Variants in CCDC178 observed in about 807,000 individuals in gnomAD.
The protein encoded by CCDC178 is coiled-coil domain containing 178.
CCDC178 carries 126 observed loss-of-function variants against 117.4 expected under a neutral mutation model. The ratio of observed to expected loss-of-function variants is 1.07; its 90% confidence interval spans 0.93 to 1.24. The LOEUF is 1.24. Among genes scored for constraint, CCDC178 ranks in the 50% most tolerant of loss-of-function variants. The probability of loss-of-function intolerance (pLI) is 0.00; values close to 1 mark genes in which losing one functional copy is unlikely to be tolerated. For missense variants in CCDC178, 1,030 were observed against 986.9 expected, an observed-to-expected ratio of 1.04 and a Z score of -0.59; for synonymous variants, 283 against 313.4, an observed-to-expected ratio of 0.90 and a Z score of 1.02.
At chr18:33,434,018 GA>G (rs1178152329) in intron 2 of CCDC178, among the ~76,000 whole-genome samples, 1 of 151,982 alleles carries the variant, frequency 6.6e-6, no homozygotes, top group East Asian at 1.9e-4. Flanking sequence ...TATTTTTCTA[GA>G]AATTTGTTAA....
intron 20 of CCDC178, among the ~76,000 whole-genome samples, chr18:33,123,216 T>G (rs1047087056): frequency 6.6e-6 from 1 of 152,154 alleles, no homozygotes; most frequent in African/African-American, 2.4e-5. Flanking sequence ...TGGTTTTATA[T>G]ATAACCAACT....
intron 21 of CCDC178, among the ~76,000 whole-genome samples, chr18:33,035,767 A>T: frequency 6.6e-6 from 1 of 152,124 alleles, no homozygotes; most frequent in South Asian, 2.1e-4. Flanking sequence ...TTAATATATC[A>T]AATCATCACA....
chr18:33,275,266 G>C (rs1460572746), intron 12 of CCDC178, among the ~76,000 whole-genome samples: 1 of 151,724 alleles, frequency 6.6e-6, no homozygotes, highest in African/African-American at 2.4e-5. Flanking sequence ...AAATATATGT[G>C]CATATGTATA....
At chr18:33,026,449 C>A (rs1196927352) in intron 21 of CCDC178, among the ~76,000 whole-genome samples, 1 of 151,944 alleles carries the variant, frequency 6.6e-6, no homozygotes, top group Non-Finnish European at 1.5e-5. Flanking sequence ...TTAACTGAAA[C>A]TTTAAAAAAT....
chr18:33,263,614 T>A (rs2059777383), intron 14 of CCDC178, among the ~76,000 whole-genome samples: 1 of 152,138 alleles, frequency 6.6e-6, no homozygotes, highest in Non-Finnish European at 1.5e-5. Flanking sequence ...TGTTAGGGTC[T>A]CAATCTCCTT....
chr18:33,213,196 A>G (rs2059126953), intron 19 of CCDC178, among the ~76,000 whole-genome samples: 1 of 152,034 alleles, frequency 6.6e-6, no homozygotes, highest in Non-Finnish European at 1.5e-5. Flanking sequence ...TGACAGAACC[A>G]GAATTCAAAT....
chr18:33,251,738 T>C (rs1333534611), intron 14 of CCDC178, among the ~76,000 whole-genome samples: 3 of 151,710 alleles, frequency 2.0e-5, no homozygotes, highest in Admixed American at 1.3e-4. Context: ...ATTCATAATA[T>C]TGTTTTCTTT....
chr18:33,271,333 A>G (rs1229461604), intron 12 of CCDC178, among the ~76,000 whole-genome samples: 1 of 151,474 alleles, frequency 6.6e-6, no homozygotes, highest in African/African-American at 2.4e-5. Context: ...GTCCTATCAT[A>G]TACGGTTCAC....
chr18:33,318,338 AG>A (rs2062449008), intron 11 of CCDC178, among the ~76,000 whole-genome samples: 1 of 152,168 alleles, frequency 6.6e-6, no homozygotes, highest in African/African-American at 2.4e-5. Context: ...GATCATTGGA[AG>A]CCATGTCAGA....
chr18:33,079,235 T>A (rs796271429), intron 21 of CCDC178, among the ~76,000 whole-genome samples: 33 of 152,274 alleles, frequency 2.2e-4, no homozygotes, highest in African/African-American at 7.9e-4. Context: ...TGCAGAAGTT[T>A]GAAACTGGAC....
intron 21 of CCDC178, among the ~76,000 whole-genome samples, chr18:32,985,964 A>AT (rs1490355259): frequency 6.6e-6 from 1 of 152,072 alleles, no homozygotes; most frequent in Non-Finnish European, 1.5e-5. Flanking sequence ...TGGATTCAAT[A>AT]TAAAATACTC....
At chr18:33,372,638 T>C (rs1287892523) in intron 5 of CCDC178, among the ~76,000 whole-genome samples, 2 of 152,064 alleles carry the variant, frequency 1.3e-5, no homozygotes, top group Non-Finnish European at 2.9e-5. Context: ...AAAGACAAGA[T>C]CCTCCTGGCT....
intron 22 of CCDC178, among the ~76,000 whole-genome samples, chr18:32,953,421 C>T (rs2054531579): frequency 6.6e-6 from 1 of 152,146 alleles, no homozygotes; most frequent in South Asian, 2.1e-4. Context: ...CCAAACTTTC[C>T]ACATTTTTCT....
At chr18:33,397,252 A>G (rs1242517106) in intron 3 of CCDC178, 44 bp from the exon 4 acceptor site, 3 of 1,350,308 alleles carry the variant, frequency 2.2e-6, no homozygotes, top group African/African-American at 1.5e-5. Flanking sequence ...CTGCTTCCTG[A>G]GTCAAATATT....
intron 20 of CCDC178, among the ~76,000 whole-genome samples, chr18:33,156,641 CA>C (rs35712594): frequency 0.022 from 2,182 of 99,206 alleles, 42 homozygotes; most frequent in African/African-American, 0.07. Context: ...TCCTCCCTCT[CA>C]AAAAAAAAAA....
chr18:32,952,123 A>C (rs2054499316), intron 22 of CCDC178, among the ~76,000 whole-genome samples: 1 of 152,178 alleles, frequency 6.6e-6, no homozygotes, highest in African/African-American at 2.4e-5. Context: ...TTCCAGGCAC[A>C]TGCTGCAAGC....
intron 21 of CCDC178, among the ~76,000 whole-genome samples, chr18:33,012,338 T>C (rs1028206220): frequency 3.3e-5 from 5 of 152,212 alleles, no homozygotes; most frequent in African/African-American, 7.2e-5. Context: ...TATCAGGCTT[T>C]ATGAATATCA....
At chr18:33,140,600 C>T (rs2058190659) in intron 20 of CCDC178, among the ~76,000 whole-genome samples, 1 of 152,162 alleles carries the variant, frequency 6.6e-6, no homozygotes, top group South Asian at 2.1e-4. Context: ...ATTTGTCCCA[C>T]TAGGAAAGGC....
At chr18:33,293,131 T>C (rs1568122313) in intron 12 of CCDC178, 28 bp downstream of exon 12, 1 of 1,453,918 alleles carries the variant, frequency 6.9e-7, no homozygotes, top group South Asian at 1.3e-5. Flanking sequence ...AAAATCAGTA[T>C]TTTTTATTTC....
Sources: gnomAD v4.1 joint callset for allele counts (sites outside exome capture counted in the v4.1 genomes callset) on GRCh38, gnomAD v4.1.1 for gene constraint, MANE v1.5 for transcripts, NCBI Gene and HGNC (gene_info 2026-07-23, HGNC 2026-07-21) for gene names.